Variants in CNTNAP3B observed in about 807,000 individuals in gnomAD.
The protein encoded by CNTNAP3B is contactin associated protein family member 3B, also known as contactin-associated protein-like 3B.
In CNTNAP3B, 25 loss-of-function variants were observed where a neutral mutation model predicts 108.9. The ratio of observed to expected loss-of-function variants is 0.23; its 90% CI spans 0.17 to 0.32. The LOEUF is 0.32. CNTNAP3B is among the 10% of genes least tolerant of loss of function. The pLI is 1.00. For missense variants in CNTNAP3B, 252 were observed against 1,210.4 expected, an observed-to-expected ratio of 0.21 and a Z score of 11.75; for synonymous variants, 103 against 473.4, an observed-to-expected ratio of 0.22 and a Z score of 10.16.
Position 41,979,135 on chromosome 9 carries a change from C to A in CNTNAP3B, c.1477+7033G>T, listed in dbSNP as rs201771194. Among the ~76,000 whole-genome samples, 30 of 132,004 alleles carry A rather than the reference C, an allele frequency of 2.3e-4. 5 individuals carry two copies. The highest frequency in any genetic ancestry group is 3.5e-4 in the Non-Finnish European group (22 of 62,946). The allele number at this position is 132,004 out of a possible 152,430, so 86.6% of individuals were successfully genotyped here. A position where few individuals can be genotyped will look rare whatever the true frequency, so the allele number is the denominator to read the frequency against. ...GCGTTGTTCCTGCATGTTGTCCCAG[C>A]GTCTTCCCTCTCTGTGTGTCTCTGC... On this transcript the variant is annotated intron_variant, in intron 9 of 23. Transcript: ENST00000377561.
rs1417785313 is a variant in CNTNAP3B, at chr9:42,115,749, C to A, written c.86-11010G>T. 2.5e-5 allele frequency among the ~76,000 whole-genome samples: 3 copies of A among 119,830 alleles called. No homozygotes were observed. In the Admixed American group the frequency reaches 2.6e-4, roughly 10 times the overall value. 78.6% of individuals were successfully genotyped at this position (119,830 alleles called of 152,430 possible). A position where few individuals can be genotyped will look rare whatever the true frequency, so the allele number is the denominator to read the frequency against. ...CAAAGACCAAAGGTACATAAAACCA[C>A]AAAGATGGGGAGAAACCAGAGCAGA... On this transcript the variant is annotated intron_variant, in intron 1 of 23. Transcript: ENST00000377561.
intron 3 of CNTNAP3B, among the ~76,000 whole-genome samples, chr9:42,047,678 CCCTTCCTTCCTT>C (rs371573105): frequency 5.7e-4 from 11 of 19,274 alleles, no homozygotes; most frequent in African/African-American, 1.5e-3. Context: ...GCCCCTTCCT[CCCTTCCTTCCTT>C]CCTTCCTTCC....
intron 2 of CNTNAP3B, among the ~76,000 whole-genome samples, chr9:42,103,427 A>C (rs1828039500): frequency 1.6e-5 from 2 of 122,066 alleles, no homozygotes; most frequent in Admixed American, 8.2e-5. Context: ...TTAAAAAAAA[A>C]AAAAAAAAAA....
rs1468999764 is a variant in CNTNAP3B, at chr9:41,941,162, G to A, written c.2081-2762C>T. On this transcript the variant is annotated intron_variant, in intron 13 of 23. Coordinates refer to ENST00000377561, the MANE Select transcript of CNTNAP3B (RefSeq NM_001201380.3). ...AGTGAAGATATTTAAGTTGACTGTG[G>A]TAAGTCACATATGTACACTATAATA... 6.1e-3 allele frequency among the ~76,000 whole-genome samples: 916 copies of A among 150,208 alleles called. 4 individuals are homozygous for A. Among genetic ancestry groups the A allele is most frequent in the African/African-American group, 0.022 (879 of 40,196 alleles).
At chr9:42,105,791 T>A (rs1828084800) in intron 1 of CNTNAP3B, among the ~76,000 whole-genome samples, 1 of 96,628 alleles carries the variant, frequency 1.0e-5, no homozygotes, top group African/African-American at 4.0e-5. Context: ...CCAGCATGGT[T>A]ATTGATCTAA....
chr9:41,945,925 G>C (rs539173095), intron 13 of CNTNAP3B, among the ~76,000 whole-genome samples: 2 of 152,206 alleles, frequency 1.3e-5, no homozygotes, highest in Admixed American at 6.5e-5. Context: ...CAAAAAGAAA[G>C]ACAGAGTATC....
chr9:41,932,416 G>T (rs1470404371), intron 14 of CNTNAP3B, among the ~76,000 whole-genome samples: 5 of 151,718 alleles, frequency 3.3e-5, no homozygotes, highest in African/African-American at 9.7e-5. Flanking sequence ...CTTATTATTT[G>T]CCAGGGAACT....
intron 15 of CNTNAP3B, chr9:41,926,702 C>G (rs1823830574): frequency 6.6e-6 from 1 of 152,582 alleles, no homozygotes; most frequent in South Asian, 2.1e-4. Context: ...AGCCATCCTC[C>G]CATCTCAGTC....
rs1360204736 is a variant in CNTNAP3B at position 42,097,285 on chromosome 9, T to C, written c.196+7344A>G. On this transcript the variant is annotated intron_variant, in intron 2 of 23. Transcript: ENST00000377561. ...AGCAGGCATGGAAAATGGGGATGAG[T>C]GCGTCCAAGTTAGTTCCAATTTTCA... Among the ~76,000 whole-genome samples, 3 of 139,956 alleles carry C rather than the reference T, an allele frequency of 2.1e-5. 1 individual carries two copies. Among genetic ancestry groups the C allele is most frequent in the African/African-American group, 8.5e-5 (3 of 35,376 alleles). 91.8% of individuals were successfully genotyped at this position (139,956 alleles called of 152,430 possible).
intron 18 of CNTNAP3B, among the ~76,000 whole-genome samples, chr9:41,918,133 A>G (rs1371871606): frequency 2.0e-5 from 3 of 150,606 alleles, no homozygotes; most frequent in African/African-American, 7.4e-5. Context: ...ATGCCAGAGT[A>G]CCAGGTTTTT....
rs1370315755 is a variant in CNTNAP3B at position 42,029,343 on chromosome 9, T to G, written c.391-15818A>C. Among the ~76,000 whole-genome samples, 2 of 129,602 alleles carry G rather than the reference T, an allele frequency of 1.5e-5. 1 individual carries two copies. The highest frequency in any genetic ancestry group is 3.2e-5 in the Non-Finnish European group (2 of 61,752). 85.0% of individuals were successfully genotyped at this position (129,602 alleles called of 152,430 possible). Reference sequence around the variant, plus strand: ...TAAATGTGTTGCTTTTTCATTTGTTTCCATCAGTGCACAATTACAAGTCCA... The same window carrying G: ...TAAATGTGTTGCTTTTTCATTTGTTGCCATCAGTGCACAATTACAAGTCCA... On this transcript the variant is annotated intron_variant, in intron 3 of 23. Transcript: ENST00000377561.
intron 10 of CNTNAP3B, among the ~76,000 whole-genome samples, chr9:41,969,025 T>C (rs1227176022): frequency 2.6e-5 from 4 of 152,298 alleles, no homozygotes; most frequent in Non-Finnish European, 4.4e-5. Context: ...CTCGATCTCC[T>C]GACCTCGTGA....
chr9:41,969,088 G>A (rs542856121), intron 10 of CNTNAP3B, among the ~76,000 whole-genome samples: 208 of 152,322 alleles, frequency 1.4e-3, no homozygotes, highest in Middle Eastern at 3.4e-3. Flanking sequence ...GAGCCACCAC[G>A]CTGGGCCAGA....
At chr9:42,103,244 CA>C (rs1828031882) in intron 2 of CNTNAP3B, among the ~76,000 whole-genome samples, 2 of 146,756 alleles carry the variant, frequency 1.4e-5, no homozygotes, top group Non-Finnish European at 3.0e-5. Flanking sequence ...CATATCTCTG[CA>C]ACAAATGAAA....
In CNTNAP3B at chr9:42,114,940, G is replaced by A. The variant is rs1408200326; in HGVS notation, c.86-10201C>T. Among the ~76,000 whole-genome samples, 5 of 135,508 alleles carry A rather than the reference G, an allele frequency of 3.7e-5. 1 individual carries two copies. The highest frequency in any genetic ancestry group is 1.5e-4 in the African/African-American group (5 of 33,708). The allele number at this position is 135,508 out of a possible 152,430, so 88.9% of individuals were successfully genotyped here. A position where few individuals can be genotyped will look rare whatever the true frequency, so the allele number is the denominator to read the frequency against. Reference sequence around the variant, plus strand: ...ATGGTAGCGGGAACTTGCAATCCCAGCTACTCGGGAGGCTGAGGCAGGAGA... The same window carrying A: ...ATGGTAGCGGGAACTTGCAATCCCAACTACTCGGGAGGCTGAGGCAGGAGA... On this transcript the variant is annotated intron_variant, in intron 1 of 23. Coordinates refer to ENST00000377561, the MANE Select transcript of CNTNAP3B (RefSeq NM_001201380.3).
intron 2 of CNTNAP3B, among the ~76,000 whole-genome samples, chr9:42,080,535 G>C (rs368105205): frequency 7.3e-6 from 1 of 137,024 alleles, no homozygotes; most frequent in Non-Finnish European, 1.6e-5. Flanking sequence ...CTTTGTTAAA[G>C]GCAGCTTTGA....
intron 9 of CNTNAP3B, chr9:41,975,070 C>G: frequency 4.4e-6 from 1 of 227,812 alleles, no homozygotes; most frequent in South Asian, 5.1e-5. Context: ...GTGGTGGGAA[C>G]GGTGGTGCAC....
At chr9:41,962,433 A>G (rs533076877) in intron 11 of CNTNAP3B, among the ~76,000 whole-genome samples, 28 of 152,232 alleles carry the variant, frequency 1.8e-4, no homozygotes, top group African/African-American at 4.8e-4. Context: ...ATGGACTAAT[A>G]TAACTCATTG....
intron 10 of CNTNAP3B, among the ~76,000 whole-genome samples, chr9:41,966,799 T>C (rs1238171507): frequency 1.3e-5 from 2 of 151,086 alleles, no homozygotes; most frequent in African/African-American, 2.5e-5. Flanking sequence ...AACCCCGTCT[T>C]TACTAAAAAT....
Sources: gnomAD v4.1 joint callset for allele counts (sites outside exome capture counted in the v4.1 genomes callset) on GRCh38, gnomAD v4.1.1 for gene constraint, MANE v1.5 for transcripts, NCBI Gene and HGNC (gene_info 2026-07-23, HGNC 2026-07-21) for gene names.